The following CNBD1 variants were observed in gnomAD, a reference collection of about 807,000 sequenced individuals.
The protein encoded by CNBD1 is cyclic nucleotide-binding domain-containing protein 1.
CNBD1 carries 71 observed loss-of-function variants against 54.4 expected under a neutral mutation model. The observed-to-expected ratio is 1.30, with a 90% CI of 1.08 to 1.59. The LOEUF is 1.59. CNBD1 is among the 40% of genes most tolerant of loss of function. The pLI is 0.00. For synonymous variants in CNBD1, 182 were observed against 170.7 expected (o/e 1.07, Z -0.51); for missense variants, 659 against 518.0 (o/e 1.27, Z -2.64).
chr8:86,896,185 G>A (rs1299466847), intron 2 of CNBD1, among the ~76,000 whole-genome samples: 7 of 151,980 alleles, frequency 4.6e-5, no homozygotes, highest in African/African-American at 7.2e-5. Flanking sequence ...GGAAAACAAC[G>A]TTGGAGGCAT....
At chr8:86,949,872 G>A (rs1807560476) in intron 4 of CNBD1, among the ~76,000 whole-genome samples, 1 of 145,632 alleles carries the variant, frequency 6.9e-6, no homozygotes, top group Non-Finnish European at 1.5e-5. Flanking sequence ...CTTATATTAT[G>A]TTGAGATGTA....
chr8:87,324,594 G>A (rs1319926336), intron 8 of CNBD1, among the ~76,000 whole-genome samples: 2 of 147,900 alleles, frequency 1.4e-5, no homozygotes, highest in Non-Finnish European at 3.0e-5. Context: ...TTTGCGTAGA[G>A]GTGTTTGTAG....
intron 10 of CNBD1, among the ~76,000 whole-genome samples, chr8:87,371,531 C>T (rs1030794542): frequency 1.3e-5 from 2 of 151,730 alleles, no homozygotes; most frequent in African/African-American, 2.4e-5. Flanking sequence ...AGAGACACAA[C>T]CAAAAAAGAG....
intron 2 of CNBD1, among the ~76,000 whole-genome samples, chr8:86,895,527 C>A (rs1808836883): frequency 6.6e-6 from 1 of 152,158 alleles, no homozygotes; most frequent in Non-Finnish European, 1.5e-5. Flanking sequence ...AAGAAACTAG[C>A]AAACCGTTCC....
At chr8:87,057,421 A>G (rs1330972207) in intron 4 of CNBD1, among the ~76,000 whole-genome samples, 3 of 152,166 alleles carry the variant, frequency 2.0e-5, no homozygotes, top group South Asian at 2.1e-4. Context: ...CCATGATTCA[A>G]TTACTTCCCA....
At chr8:87,350,122 C>T (rs1380400430) in intron 8 of CNBD1, among the ~76,000 whole-genome samples, 1 of 152,056 alleles carries the variant, frequency 6.6e-6, no homozygotes, top group African/African-American at 2.4e-5. Flanking sequence ...TACATAGTTT[C>T]TACTATCATA....
chr8:87,245,954 C>A (rs1807795212), intron 6 of CNBD1, among the ~76,000 whole-genome samples: 1 of 151,800 alleles, frequency 6.6e-6, no homozygotes, highest in Non-Finnish European at 1.5e-5. Flanking sequence ...TACTATATGC[C>A]CATTTCATTT....
chr8:87,021,247 T>C (rs996237402), intron 4 of CNBD1, among the ~76,000 whole-genome samples: 1 of 152,038 alleles, frequency 6.6e-6, no homozygotes, highest in Non-Finnish European at 1.5e-5. Flanking sequence ...TATTTTAGAG[T>C]TTCACTCTTT....
chr8:87,236,885 C>T (rs1807593301), intron 5 of CNBD1, 34 bp from the exon 6 acceptor site: 6 of 1,385,136 alleles, frequency 4.3e-6, no homozygotes, highest in Non-Finnish European at 6.0e-6. Context: ...AGCCTGAGCA[C>T]ACAGTATATA....
intron 8 of CNBD1, among the ~76,000 whole-genome samples, chr8:87,350,255 T>TA (rs1178958681): frequency 1.3e-5 from 2 of 152,126 alleles, no homozygotes; most frequent in South Asian, 2.1e-4. Flanking sequence ...TTTTCTGCTG[T>TA]AAAAAAAGAC....
At position 87,020,688 on chromosome 8, in the gene CNBD1, C is replaced by A. The variant is rs183889288; in HGVS notation, c.431+80934C>A. The stretch of plus-strand genomic sequence containing the variant: ...TGAGACAGGGAAAAAAAATGTTTAA[C>A]CCCAAAATATATTTCCTTGCCATAC... On this transcript the variant is annotated intron_variant, in intron 4 of 10. Coordinates refer to ENST00000518476, the MANE Select transcript of CNBD1 (RefSeq NM_173538.3). Among the ~76,000 whole-genome samples, 154 of 152,180 alleles carry A rather than the reference C, an allele frequency of 1.0e-3. 1 individual carries two copies. Among genetic ancestry groups the A allele is most frequent in the Non-Finnish European group, 1.4e-3 (93 of 68,020 alleles).
chr8:87,052,580 G>C (rs1260936521), intron 4 of CNBD1, among the ~76,000 whole-genome samples: 1 of 152,154 alleles, frequency 6.6e-6, no homozygotes, highest in Non-Finnish European at 1.5e-5. Flanking sequence ...CTCCCTGTTG[G>C]AAATGGAGTT....
At chr8:87,363,061 T>C (rs1461872552) in intron 10 of CNBD1, among the ~76,000 whole-genome samples, 1 of 152,054 alleles carries the variant, frequency 6.6e-6, no homozygotes, top group Non-Finnish European at 1.5e-5. Context: ...TGTCCATGTG[T>C]TCTCATTGTT....
At chr8:86,924,066 C>G (rs1023422200) in intron 3 of CNBD1, among the ~76,000 whole-genome samples, 2 of 152,116 alleles carry the variant, frequency 1.3e-5, no homozygotes, top group Admixed American at 6.6e-5. Context: ...GGTTTTGTTA[C>G]TATTGGTGGC....
chr8:87,199,580 T>C (rs1813808752), intron 4 of CNBD1, among the ~76,000 whole-genome samples: 1 of 152,194 alleles, frequency 6.6e-6, no homozygotes, highest in Admixed American at 6.5e-5. Context: ...ATGTTTAAAG[T>C]ACACAATACT....
intron 3 of CNBD1, among the ~76,000 whole-genome samples, chr8:86,929,111 C>T (rs568422739): frequency 8.5e-5 from 13 of 152,250 alleles, no homozygotes; most frequent in African/African-American, 3.1e-4. Context: ...CAGCGTCTGC[C>T]CAATGGTTTT....
chr8:87,219,361 T>C (rs1042348730), intron 5 of CNBD1, among the ~76,000 whole-genome samples: 1 of 152,038 alleles, frequency 6.6e-6, no homozygotes, highest in African/African-American at 2.4e-5. Context: ...CATCAGCACA[T>C]AGGTCCTCTA....
chr8:87,169,058 G>T (rs1354289169), intron 4 of CNBD1, among the ~76,000 whole-genome samples: 1 of 151,946 alleles, frequency 6.6e-6, no homozygotes, highest in Non-Finnish European at 1.5e-5. Flanking sequence ...CAGCATAACA[G>T]GGTTCCCTTT....
intron 3 of CNBD1, chr8:87,428,623 A>G (rs967578130): frequency 4.4e-6 from 2 of 452,828 alleles, no homozygotes; most frequent in East Asian, 7.0e-5. Flanking sequence ...TGTAAGTAAA[A>G]TGTTCAAGTT....
Sources: gnomAD v4.1 joint callset for allele counts (sites outside exome capture counted in the v4.1 genomes callset) on GRCh38, gnomAD v4.1.1 for gene constraint, MANE v1.5 for transcripts, NCBI Gene and HGNC (gene_info 2026-07-23, HGNC 2026-07-21) for gene names.